The following DPP6 variants were observed in gnomAD, a reference collection of about 807,000 sequenced individuals.
The protein encoded by DPP6 is A-type potassium channel modulatory protein DPP6.
Under a neutral mutation model 122.6 loss-of-function variants are expected in DPP6, and 69 were observed. The observed-to-expected ratio is 0.56, with a 90% CI of 0.46 to 0.69. The LOEUF (loss-of-function observed/expected upper bound fraction) is 0.69. DPP6 is among the 30% of genes least tolerant of loss of function. The pLI, the probability that DPP6 is intolerant of heterozygous loss-of-function variation, is 0.00. For synonymous variants in DPP6, 418 were observed against 433.1 expected, an observed-to-expected ratio of 0.97 and a Z score of 0.43; for missense variants, 928 against 1,116.9, an observed-to-expected ratio of 0.83 and a Z score of 2.41.
the DPP6 span, among the ~76,000 whole-genome samples, chr7:153,818,303 A>G: frequency 3.9e-5 from 6 of 152,192 alleles, no homozygotes; most frequent in Admixed American, 6.5e-5. Flanking sequence ...GCTGTCACAC[A>G]TAGCTGGATT....
chr7:154,345,196 G>A (rs1012781048), intron 1 of DPP6, among the ~76,000 whole-genome samples: 1 of 152,032 alleles, frequency 6.6e-6, no homozygotes, highest in Non-Finnish European at 1.5e-5. Flanking sequence ...TCTCCACACC[G>A]GGCAGGAGGG....
chr7:154,766,116 T>G (rs1487653066), intron 8 of DPP6, among the ~76,000 whole-genome samples: 3 of 152,220 alleles, frequency 2.0e-5, no homozygotes, highest in Admixed American at 2.0e-4. Flanking sequence ...AGGAGCGATG[T>G]GTTCAAGGAC....
intron 5 of DPP6, among the ~76,000 whole-genome samples, chr7:154,636,905 T>A (rs1835759638): frequency 6.6e-6 from 1 of 152,200 alleles, no homozygotes; most frequent in African/African-American, 2.4e-5. Context: ...TAAATGTTGG[T>A]CACTGAACAT....
At chr7:154,502,488 A>G (rs2337376) in intron 3 of DPP6, among the ~76,000 whole-genome samples, 78,800 of 151,848 alleles carry the variant, frequency 0.52, 20,758 homozygotes, top group Middle Eastern at 0.6. Flanking sequence ...TAGTGATAGC[A>G]AATAAGTCTC....
chr7:154,502,618 T>G (rs775871579), intron 3 of DPP6, among the ~76,000 whole-genome samples: 11 of 152,182 alleles, frequency 7.2e-5, no homozygotes, highest in African/African-American at 2.7e-4. Flanking sequence ...CCCAGCCACA[T>G]GGAACTGTAA....
intron 1 of DPP6, among the ~76,000 whole-genome samples, chr7:154,125,407 TA>T (rs1807804233): frequency 6.6e-6 from 1 of 151,924 alleles, no homozygotes; most frequent in Non-Finnish European, 1.5e-5. Flanking sequence ...TTTTGTTAAA[TA>T]AAAAGTAGTC....
At chr7:153,890,051 T>G (rs1257592866) in intron 1 of DPP6, among the ~76,000 whole-genome samples, 2 of 152,232 alleles carry the variant, frequency 1.3e-5, no homozygotes, top group Non-Finnish European at 2.9e-5. Flanking sequence ...GGCAAATTCT[T>G]TGCACTCACA....
rs1821991125 is a variant in DPP6 at position 154,468,599 on chromosome 7, A to G, written c.359-6340A>G. On this transcript the variant is annotated intron_variant, in intron 2 of 25. Coordinates refer to ENST00000377770, the MANE Select transcript of DPP6 (RefSeq NM_130797.4). ...CTAAAGAAAACAGGCTGCTGAATATATTTTAAGGTTTCAGTTTATTTCCTG... is the reference window on the plus strand; with the variant it reads ...CTAAAGAAAACAGGCTGCTGAATATGTTTTAAGGTTTCAGTTTATTTCCTG... Among the ~76,000 whole-genome samples the G allele has an allele frequency of 2.0e-5, 3 of 152,344 alleles. No individual in the cohort carries two copies. In the South Asian group the frequency reaches 6.2e-4, roughly 32 times the overall value.
chr7:153,924,665 G>T (rs1423681424), intron 1 of DPP6, among the ~76,000 whole-genome samples: 1 of 152,186 alleles, frequency 6.6e-6, no homozygotes, highest in African/African-American at 2.4e-5. Context: ...GGTCGTGGCG[G>T]TTGGTCTTTG....
At chr7:153,863,539 C>T in the DPP6 span, among the ~76,000 whole-genome samples, 1 of 152,150 alleles carries the variant, frequency 6.6e-6, no homozygotes, top group Admixed American at 6.5e-5. Context: ...GTATAATCAT[C>T]CAGCCTGAGC....
intron 1 of DPP6, among the ~76,000 whole-genome samples, chr7:154,277,413 TAGAA>T (rs1215082547): frequency 6.6e-6 from 1 of 152,080 alleles, no homozygotes; most frequent in Non-Finnish European, 1.5e-5. Flanking sequence ...CGTACACAAA[TAGAA>T]GGAACAATTA....
At chr7:153,893,183 T>G (rs1056050306) in intron 1 of DPP6, among the ~76,000 whole-genome samples, 1 of 152,234 alleles carries the variant, frequency 6.6e-6, no homozygotes, top group African/African-American at 2.4e-5. Flanking sequence ...TTTAGTTCTT[T>G]AGTTCATATA....
At chr7:153,874,042 C>T in the DPP6 span, among the ~76,000 whole-genome samples, 630 of 152,256 alleles carry the variant, frequency 4.1e-3, 6 homozygotes, top group Non-Finnish European at 7.4e-3. Context: ...AGATGTTAAC[C>T]CTTGTCTAAA....
At chr7:153,757,033 C>T in the DPP6 span, among the ~76,000 whole-genome samples, 1 of 150,454 alleles carries the variant, frequency 6.6e-6, no homozygotes, top group Admixed American at 6.8e-5. Flanking sequence ...CACCTTGTAC[C>T]TCATGAAGGA....
the DPP6 span, among the ~76,000 whole-genome samples, chr7:153,839,892 T>A: frequency 6.6e-6 from 1 of 152,168 alleles, no homozygotes; most frequent in African/African-American, 2.4e-5. Flanking sequence ...GGTCTTGAGG[T>A]CCACATTTGG....
chr7:153,821,812 C>A, the DPP6 span, among the ~76,000 whole-genome samples: 1 of 150,462 alleles, frequency 6.6e-6, no homozygotes. Context: ...GATTAAAGAC[C>A]ACAAGGCCTA....
At chr7:154,704,923 A>G (rs1840741670) in intron 7 of DPP6, among the ~76,000 whole-genome samples, 2 of 152,108 alleles carry the variant, frequency 1.3e-5, no homozygotes, top group African/African-American at 2.4e-5. Flanking sequence ...TATCTTTGAG[A>G]TAGAGTCTTG....
chr7:153,981,563 G>A (rs1796587920), intron 1 of DPP6, among the ~76,000 whole-genome samples: 2 of 152,178 alleles, frequency 1.3e-5, no homozygotes, highest in South Asian at 4.1e-4. Flanking sequence ...ATACTGTTAT[G>A]TGTGAATTTG....
At chr7:154,134,381 G>A (rs1482469884) in intron 1 of DPP6, among the ~76,000 whole-genome samples, 1 of 152,110 alleles carries the variant, frequency 6.6e-6, no homozygotes, top group African/African-American at 2.4e-5. Context: ...GTACAGGGAG[G>A]TGTGGAGTTG....
Sources: allele counts gnomAD v4.1 joint callset (sites outside exome capture counted in the v4.1 genomes callset), GRCh38; gene constraint gnomAD v4.1.1; transcripts MANE v1.5; gene names NCBI Gene and HGNC (gene_info 2026-07-23, HGNC 2026-07-21).